The following LRRTM4 variants were observed in gnomAD, a reference collection of about 807,000 sequenced individuals.
LRRTM4 encodes leucine-rich repeat transmembrane neuronal protein 4.
In LRRTM4, 25 loss-of-function variants were observed where a neutral mutation model predicts 47.6. That is an observed-to-expected ratio of 0.53 (90% confidence interval 0.38 to 0.73). LRRTM4 has a LOEUF of 0.73. Ranked by LOEUF, LRRTM4 falls within the 30% of genes least tolerant of loss-of-function variation. The pLI, the probability that LRRTM4 is intolerant of heterozygous loss-of-function variation, is 0.00. For synonymous variants in LRRTM4, 311 were observed against 269.5 expected, an observed-to-expected ratio of 1.15 and a Z score of -1.51; for missense variants, 638 against 713.4, an observed-to-expected ratio of 0.89 and a Z score of 1.20.
At chr2:76,915,425 G>A (rs561772811) in intron 3 of LRRTM4, among the ~76,000 whole-genome samples, 1 of 152,256 alleles carries the variant, frequency 6.6e-6, no homozygotes, top group African/African-American at 2.4e-5. Flanking sequence ...TTTAGTAATA[G>A]GCAAAGATTG....
intron 3 of LRRTM4, among the ~76,000 whole-genome samples, chr2:77,085,089 T>C (rs1039812184): frequency 6.6e-6 from 1 of 152,164 alleles, no homozygotes; most frequent in Non-Finnish European, 1.5e-5. Flanking sequence ...ATCCTTTCTA[T>C]TGCTGGAAAA....
intron 3 of LRRTM4, among the ~76,000 whole-genome samples, chr2:76,920,119 C>G (rs1674386569): frequency 6.6e-6 from 1 of 152,084 alleles, no homozygotes; most frequent in Admixed American, 6.6e-5. Flanking sequence ...AATATGAGAT[C>G]CTTGCCTGGC....
rs554695578 is a variant in LRRTM4, at chr2:77,266,955, A to T, written c.1551+251363T>A. On this transcript the variant is annotated intron_variant, in intron 3 of 3. Coordinates refer to ENST00000409884, the MANE Select transcript of LRRTM4 (RefSeq NM_001134745.3). ...TGAGGAAACAAAGAAATAAGCAAAA[A>T]TATGGACACACTGACATTTGATCAA... 3.3e-5 allele frequency among the ~76,000 whole-genome samples: 5 copies of T among 152,298 alleles called. No individual in the cohort carries two copies. The East Asian group carries it at 7.7e-4, about 24-fold the overall frequency.
chr2:76,807,303 A>C (rs987611401), intron 3 of LRRTM4, among the ~76,000 whole-genome samples: 1 of 150,906 alleles, frequency 6.6e-6, no homozygotes, highest in Non-Finnish European at 1.5e-5. Flanking sequence ...GCATGGCACA[A>C]ATACTGAATA....
At chr2:76,857,232 TATTTTCTCTTGCTTATG>T (rs976631864) in intron 3 of LRRTM4, among the ~76,000 whole-genome samples, 88 of 150,830 alleles carry the variant, frequency 5.8e-4, no homozygotes, top group South Asian at 1.7e-3. Context: ...ATAATAAAGA[TATTTTCTCTTGCTTATG>T]ATTTTCTTAA....
chr2:77,218,613 T>C (rs7563825), intron 3 of LRRTM4, among the ~76,000 whole-genome samples: 245 of 152,226 alleles, frequency 1.6e-3, no homozygotes, highest in African/African-American at 5.6e-3. Context: ...AGTTTCAAAG[T>C]TGAGAAAGAG....
chr2:77,115,017 G>A (rs897519253), intron 3 of LRRTM4, among the ~76,000 whole-genome samples: 2 of 152,038 alleles, frequency 1.3e-5, no homozygotes, highest in Non-Finnish European at 2.9e-5. Flanking sequence ...TAAGCCTGAG[G>A]GTACTGCAGG....
Position 77,480,814 on chromosome 2 carries a change from GTGTGTGTGGAGA to G in LRRTM4, c.1551+37492_1551+37503del, listed in dbSNP as rs1367738845. Among the ~76,000 whole-genome samples, 16 of 130,922 alleles carry G rather than the reference GTGTGTGTGGAGA, an allele frequency of 1.2e-4. No homozygotes were observed. The East Asian group carries it at 1.5e-3, about 12-fold the overall frequency. The allele number at this position is 130,922 out of a possible 152,430, so 85.9% of individuals were successfully genotyped here. On this transcript the variant is annotated intron_variant, in intron 3 of 3. Coordinates refer to ENST00000409884, the MANE Select transcript of LRRTM4 (RefSeq NM_001134745.3). ...TGTGTGTGTGTGTGTGTGTGTGTGTGTGTGTGTGGAGAGAGAGAGAGAGAGAGAGAGAGAGAG... is the reference window on the plus strand; with the variant it reads ...TGTGTGTGTGTGTGTGTGTGTGTGTGGAGAGAGAGAGAGAGAGAGAGAGAG...
intron 3 of LRRTM4, among the ~76,000 whole-genome samples, chr2:77,020,144 G>A (rs1054401986): frequency 6.6e-6 from 1 of 151,356 alleles, no homozygotes; most frequent in Non-Finnish European, 1.5e-5. Context: ...GAAAGATGAA[G>A]AAAGGTAGAA....
chr2:76,901,299 G>A (rs141099104), intron 3 of LRRTM4, among the ~76,000 whole-genome samples: 1,646 of 152,168 alleles, frequency 0.011, 36 homozygotes, highest in African/African-American at 0.038. Flanking sequence ...AGAACATGCA[G>A]TGTTTGGTTT....
chr2:76,895,328 C>T (rs1267733804), intron 3 of LRRTM4, among the ~76,000 whole-genome samples: 1 of 151,976 alleles, frequency 6.6e-6, no homozygotes, highest in African/African-American at 2.4e-5. Context: ...AATTGCTGTA[C>T]CCTTTATCCA....
chr2:77,141,897 TAGAG>T (rs1672133878), intron 3 of LRRTM4, among the ~76,000 whole-genome samples: 2 of 152,140 alleles, frequency 1.3e-5, no homozygotes. Flanking sequence ...AAGTAGATAA[TAGAG>T]AGACAATATG....
intron 3 of LRRTM4, among the ~76,000 whole-genome samples, chr2:76,871,029 T>C (rs1280984986): frequency 6.6e-6 from 1 of 152,128 alleles, no homozygotes; most frequent in East Asian, 1.9e-4. Flanking sequence ...GACAACACAA[T>C]TAGGTTGCAA....
chr2:76,917,738 G>T (rs1251485177), intron 3 of LRRTM4, among the ~76,000 whole-genome samples: 1 of 152,168 alleles, frequency 6.6e-6, no homozygotes, highest in Non-Finnish European at 1.5e-5. Context: ...ACAAAGGACA[G>T]TCATGCCCCT....
At chr2:77,257,856 G>T (rs1675812624) in intron 3 of LRRTM4, among the ~76,000 whole-genome samples, 1 of 151,832 alleles carries the variant, frequency 6.6e-6, no homozygotes, top group Non-Finnish European at 1.5e-5. Flanking sequence ...ACCCATAAGG[G>T]AAATATAAAT....
At chr2:76,907,222 A>G (rs1673874828) in intron 3 of LRRTM4, among the ~76,000 whole-genome samples, 1 of 152,134 alleles carries the variant, frequency 6.6e-6, no homozygotes, top group South Asian at 2.1e-4. Context: ...TGGAAACTGT[A>G]CAACCTGCTC....
chr2:77,243,514 A>T (rs7577139), intron 3 of LRRTM4, among the ~76,000 whole-genome samples: 84,238 of 149,962 alleles, frequency 0.56, 24,000 homozygotes, highest in African/African-American at 0.6. Flanking sequence ...TAGAAAGTAG[A>T]ATGGTGGTTT....
chr2:77,311,001 T>TAG (rs566325945), intron 3 of LRRTM4, among the ~76,000 whole-genome samples: 3 of 151,798 alleles, frequency 2.0e-5, no homozygotes, highest in African/African-American at 7.3e-5. Flanking sequence ...CATATATATA[T>TAG]AGAGAGAGAA....
intron 3 of LRRTM4, among the ~76,000 whole-genome samples, chr2:77,362,113 GAGAGAA>G (rs1413339048): frequency 7.3e-5 from 10 of 136,192 alleles, no homozygotes; most frequent in African/African-American, 1.6e-4. Context: ...AAGAAAGAAA[GAGAGAA>G]AGAAAGAAAG....
Sources: allele counts gnomAD v4.1 joint callset (sites outside exome capture counted in the v4.1 genomes callset), GRCh38; gene constraint gnomAD v4.1.1; transcripts MANE v1.5; gene names NCBI Gene and HGNC (gene_info 2026-07-23, HGNC 2026-07-21).